Variants in LRP1B observed in about 807,000 individuals in gnomAD.
LRP1B encodes the protein low-density lipoprotein receptor-related protein 1B.
LRP1B carries 217 observed loss-of-function variants against 556.6 expected under a neutral mutation model. The ratio of observed to expected loss-of-function variants is 0.39; its 90% CI spans 0.35 to 0.44. LRP1B has a LOEUF of 0.44. LRP1B is among the 20% of genes least tolerant of loss of function. LRP1B has a pLI of 1.00. For missense variants in LRP1B, 5,053 were observed against 5,620.8 expected (o/e 0.90, Z 3.23); for synonymous variants, 2,047 against 1,865.8 (o/e 1.10, Z -2.50).
rs1686592541 is a variant in LRP1B, at chr2:140,700,454, T to C, written c.6595A>G (p.Ser2199Gly). Residue 2199 changes from serine (S) to glycine (G), a missense_variant, in exon 41 of 91, where the codon AGT (serine) becomes GGT (glycine). Coordinates refer to ENST00000389484, the MANE Select transcript of LRP1B (RefSeq NM_018557.3). The part of the protein sequence containing the change: ...LLYSGRTILK[S>G]IHLSDETNLN... The stretch of plus-strand genomic sequence containing the variant: ...TTGGTTTCATCAGAAAGATGTATAC[T>C]TTTTAATATTGTTCTTCCTGAATAC... 1 of 1,613,476 alleles carries C rather than the reference T, an allele frequency of 6.2e-7. No individual in the cohort carries two copies. Among genetic ancestry groups the C allele is most frequent in the Non-Finnish European group, 8.5e-7 (1 of 1,179,594 alleles).
At chr2:141,196,129 G>T (rs974715554) in intron 6 of LRP1B, among the ~76,000 whole-genome samples, 2 of 152,018 alleles carry the variant, frequency 1.3e-5, no homozygotes, top group Admixed American at 6.6e-5. Context: ...TAAAACCAAG[G>T]AATTCCTTTG....
chr2:140,829,351 G>C (rs918738948), intron 31 of LRP1B, among the ~76,000 whole-genome samples: 1 of 152,136 alleles, frequency 6.6e-6, no homozygotes, highest in Non-Finnish European at 1.5e-5. Context: ...TCAGCACATG[G>C]AACATTTTCC....
chr2:141,732,872 A>G (rs1195886997), intron 2 of LRP1B, among the ~76,000 whole-genome samples: 2 of 152,192 alleles, frequency 1.3e-5, no homozygotes, highest in African/African-American at 4.8e-5. Flanking sequence ...TTTGTCAATT[A>G]TAAAATAGAT....
chr2:141,423,284 C>G (rs75850788), intron 3 of LRP1B, among the ~76,000 whole-genome samples: 1 of 134,248 alleles, frequency 7.4e-6, no homozygotes, highest in South Asian at 2.6e-4. Flanking sequence ...TAGGCAACAG[C>G]CAGAGCTTTT....
At chr2:141,008,285 T>A (rs982894658) in intron 14 of LRP1B, among the ~76,000 whole-genome samples, 19 of 151,500 alleles carry the variant, frequency 1.3e-4, no homozygotes, top group Middle Eastern at 3.8e-3. Flanking sequence ...TCAATTTTTT[T>A]AAAATAAAAT....
chr2:141,071,305 A>G (rs1264013865), intron 7 of LRP1B, among the ~76,000 whole-genome samples: 6 of 151,274 alleles, frequency 4.0e-5, no homozygotes, highest in East Asian at 3.9e-4. Context: ...AAATTCAACA[A>G]CGCTTCATGC....
Position 142,000,857 on chromosome 2 carries a change from A to C in LRP1B, c.82+129791T>G, listed in dbSNP as rs116041110. On this transcript the variant is annotated intron_variant, in intron 1 of 90. Coordinates refer to ENST00000389484, the MANE Select transcript of LRP1B (RefSeq NM_018557.3). ...AGAGAGAAAATGAGAACTGAAGCTA[A>C]ATTTTGTTTAGCTCCTGATATGGTT... 6.8e-3 allele frequency among the ~76,000 whole-genome samples: 1,036 copies of C among 152,158 alleles called. 17 individuals carry two copies. The highest frequency in any genetic ancestry group is 0.024 in the African/African-American group (978 of 41,512).
chr2:140,920,781 T>C (rs1036551274), intron 21 of LRP1B, among the ~76,000 whole-genome samples: 2 of 152,014 alleles, frequency 1.3e-5, no homozygotes, highest in Non-Finnish European at 2.9e-5. Flanking sequence ...GTGAAACATA[T>C]GTTTTATCAC....
At chr2:141,464,606 A>ATAT in intron 3 of LRP1B, among the ~76,000 whole-genome samples, 1 of 90,562 alleles carries the variant, frequency 1.1e-5, no homozygotes, top group African/African-American at 4.3e-5. Context: ...ATATATATAT[A>ATAT]TTTTTTTAGT....
In LRP1B at chr2:141,372,559, A is replaced by G. The variant is rs969092351; in HGVS notation, c.343+107837T>C. ...AGGATTTTTTTTTATTACTTATTCA[A>G]TCCCACTACTCATTATTGATCTGCT... On this transcript the variant is annotated intron_variant, in intron 3 of 90. Coordinates refer to ENST00000389484, the MANE Select transcript of LRP1B (RefSeq NM_018557.3). Among the ~76,000 whole-genome samples, 14 of 151,764 alleles carry G rather than the reference A, an allele frequency of 9.2e-5. 1 individual carries two copies. Among genetic ancestry groups the G allele is most frequent in the South Asian group, 4.2e-4 (2 of 4,814 alleles).
intron 3 of LRP1B, among the ~76,000 whole-genome samples, chr2:141,265,470 C>A (rs892325739): frequency 2.6e-5 from 4 of 152,224 alleles, no homozygotes; most frequent in Non-Finnish European, 5.9e-5. Flanking sequence ...CTGTACCCTG[C>A]ATGCATAAGA....
intron 3 of LRP1B, among the ~76,000 whole-genome samples, chr2:141,463,622 T>TTATATATAATATATAATTA (rs1275553830): frequency 4.7e-3 from 520 of 110,356 alleles, no homozygotes; most frequent in Non-Finnish European, 7.5e-3. Context: ...TAATTATGTA[T>TTATATATAATATATAATTA]TATATATTAT....
intron 1 of LRP1B, among the ~76,000 whole-genome samples, chr2:142,010,554 C>CAAAAAA (rs33927334): frequency 7.5e-4 from 45 of 60,224 alleles, no homozygotes; most frequent in African/African-American, 1.4e-3. Flanking sequence ...GATTCTGTCT[C>CAAAAAA]AAAAAAAAAA....
chr2:140,699,279 C>T (rs141859553), intron 41 of LRP1B, among the ~76,000 whole-genome samples: 1 of 151,900 alleles, frequency 6.6e-6, no homozygotes, highest in Admixed American at 6.6e-5. Flanking sequence ...AAAATAAAAG[C>T]TTTGCAATAC....
chr2:142,051,499 A>G (rs1704455778), intron 1 of LRP1B, among the ~76,000 whole-genome samples: 1 of 150,826 alleles, frequency 6.6e-6, no homozygotes, highest in Admixed American at 6.6e-5. Flanking sequence ...TGTTTTTGAG[A>G]TGGAGTCTCG....
In LRP1B at chr2:141,021,963, A is replaced by G. The variant is rs192145810; in HGVS notation, c.1790-1861T>C. 7.4e-4 allele frequency among the ~76,000 whole-genome samples: 112 copies of G among 152,004 alleles called. 1 individual carries two copies. In the East Asian group the frequency reaches 0.02, roughly 27 times the overall value. On this transcript the variant is annotated intron_variant, in intron 11 of 90. Coordinates refer to ENST00000389484, the MANE Select transcript of LRP1B (RefSeq NM_018557.3). ...ATTTATCAGGATTAAAAAATATTTT[A>G]TATCTCTTCTGTCTCTTTTCTTTAA...
chr2:140,403,090 T>G (rs1360857972), intron 66 of LRP1B, among the ~76,000 whole-genome samples: 1 of 151,548 alleles, frequency 6.6e-6, no homozygotes, highest in African/African-American at 2.4e-5. Context: ...ACTATAAACC[T>G]TAAAGTCATA....
At chr2:140,417,732 G>T (rs1384525153) in intron 66 of LRP1B, among the ~76,000 whole-genome samples, 1 of 152,078 alleles carries the variant, frequency 6.6e-6, no homozygotes, top group Non-Finnish European at 1.5e-5. Context: ...CTGAATGTGA[G>T]TCTACACACT....
chr2:140,825,979 G>C (rs1691489657), intron 31 of LRP1B, among the ~76,000 whole-genome samples: 1 of 152,176 alleles, frequency 6.6e-6, no homozygotes, highest in Non-Finnish European at 1.5e-5. Context: ...TTGACTTTAA[G>C]TAAGGGAGAT....
Sources: gnomAD v4.1 joint callset for allele counts (sites outside exome capture counted in the v4.1 genomes callset) on GRCh38, gnomAD v4.1.1 for gene constraint, MANE v1.5 for transcripts, NCBI Gene and HGNC (gene_info 2026-07-23, HGNC 2026-07-21) for gene names.